CHRNB4: variants seen among roughly 807,000 people sequenced by gnomAD.
CHRNB4 encodes neuronal acetylcholine receptor subunit beta-4.
Under a neutral mutation model 40.4 loss-of-function variants are expected in CHRNB4, and 23 were observed. The observed-to-expected ratio is 0.57, with a 90% CI of 0.41 to 0.81. The LOEUF is 0.81. Among genes scored for constraint, CHRNB4 ranks in the 30% least tolerant of loss-of-function variants. The pLI, the probability that CHRNB4 is intolerant of heterozygous loss-of-function variation, is 0.00. For synonymous variants in CHRNB4, 285 were observed against 274.4 expected (o/e 1.04, Z -0.38); for missense variants, 568 against 670.6 (o/e 0.85, Z 1.69).
rs80249872 is a variant in CHRNB4 at position 78,629,819 on chromosome 15, G to A, written c.486C>T (p.Phe162=). The part of the protein sequence containing the change: ...ACKIEVKYFP[F]DQQNCTLKFR... ...ACTTGAGGGTGCAGTTCTGCTGGTC[G>A]AAGGGAAAGTACTTCACCTCAATCT... The change falls in exon 5 of 6, where the codon TTC becomes TTT. Residue 162 remains phenylalanine, a synonymous_variant. Coordinates refer to ENST00000261751, the MANE Select transcript of CHRNB4 (RefSeq NM_000750.5). The surrounding 1 kb of genome is among the most constrained non-coding windows in gnomAD (Gnocchi z 6.8). 7.4e-6 allele frequency: 12 copies of A among 1,614,000 alleles called. No individual in the cohort carries two copies. Among genetic ancestry groups the A allele is most frequent in the East Asian group, 6.7e-5 (3 of 44,874 alleles).
chr15:78,661,051 T>C (rs2054248530), upstream of CHRNB4: 2 of 585,834 alleles, frequency 3.4e-6, no homozygotes, highest in Non-Finnish European at 6.6e-6. Flanking sequence ...TTAGTTTTTG[T>C]AGTCTCGGCT....
intron 7 of CHRNB4, among the ~76,000 whole-genome samples, chr15:78,646,751 A>ATTGG (rs2054126266): frequency 6.6e-6 from 1 of 152,210 alleles, no homozygotes; most frequent in Non-Finnish European, 1.5e-5. Context: ...CCCATCTCTT[A>ATTGG]ACACCATTAT....
intron 5 of CHRNB4, chr15:78,627,749 TGTG>T (rs1361759058): frequency 6.6e-6 from 1 of 152,268 alleles, no homozygotes; most frequent in African/African-American, 2.4e-5. Flanking sequence ...CACCACATTC[TGTG>T]TTGTTACTAT....
chr15:78,638,959 C>T (rs1596115870), intron 1 of CHRNB4, among the ~76,000 whole-genome samples: 1 of 152,294 alleles, frequency 6.6e-6, no homozygotes, highest in East Asian at 1.9e-4. Flanking sequence ...GGAGTGGGCC[C>T]CACCAGCCTC....
intron 1 of CHRNB4, among the ~76,000 whole-genome samples, chr15:78,639,243 G>A (rs2054020716): frequency 6.6e-6 from 1 of 152,134 alleles, no homozygotes; most frequent in Non-Finnish European, 1.5e-5. Flanking sequence ...TTTCAACTGG[G>A]GTGTATGTCC....
intron 2 of CHRNB4, among the ~76,000 whole-genome samples, chr15:78,632,128 T>C (rs906792873): frequency 1.3e-5 from 2 of 148,930 alleles, no homozygotes; most frequent in Non-Finnish European, 3.0e-5. Context: ...TGCCCTGCCT[T>C]CTCTTTTTCT....
intron 1 of CHRNB4, among the ~76,000 whole-genome samples, chr15:78,636,842 C>G (rs1176565089): frequency 6.6e-6 from 1 of 152,202 alleles, no homozygotes; most frequent in African/African-American, 2.4e-5. Flanking sequence ...GTGCCAGGGA[C>G]TTTACTACAT....
At chr15:78,650,036 G>C (rs2054158718) in intron 6 of CHRNB4, among the ~76,000 whole-genome samples, 1 of 133,520 alleles carries the variant, frequency 7.5e-6, no homozygotes, top group Non-Finnish European at 1.7e-5. Flanking sequence ...CTTTTCATGA[G>C]TGTGCCCAGG....
At chr15:78,630,731 T>C (rs1391375124) in intron 4 of CHRNB4, among the ~76,000 whole-genome samples, 1 of 152,178 alleles carries the variant, frequency 6.6e-6, no homozygotes, top group Non-Finnish European at 1.5e-5. Flanking sequence ...TTACACACAG[T>C]AAGTCAGTGG....
At chr15:78,656,152 A>C (rs1028298255) in intron 4 of CHRNB4, 3 of 152,174 alleles carry the variant, frequency 2.0e-5, no homozygotes, top group African/African-American at 7.2e-5. Flanking sequence ...AGCCTGGCCA[A>C]CATGGTGAAA....
chr15:78,629,210 T>A lies in CHRNB4; in HGVS notation c.1095A>T (p.Ser365=). Residue 365 remains serine, a synonymous_variant, in exon 5 of 6, where the codon TCA becomes TCT. Coordinates refer to ENST00000261751, the MANE Select transcript of CHRNB4 (RefSeq NM_000750.5). This position sits in a 1 kb window ranked among gnomAD's most constrained non-coding sequence, Gnocchi z 6.8. ...SPARAFPPSK[S]CVTKPEATAT... ...CGGTGGCCTCGGGCTTGGTCACGCA[T>A]GACTTGCTGGGCGGGAAGGCTCTGG... 6.2e-7 allele frequency: 1 copy of A among 1,613,694 alleles called. No homozygotes were observed. Among genetic ancestry groups the A allele is most frequent in the Non-Finnish European group, 8.5e-7 (1 of 1,179,752 alleles).
At chr15:78,633,484 G>A (rs1206653146) in intron 2 of CHRNB4, among the ~76,000 whole-genome samples, 3 of 152,182 alleles carry the variant, frequency 2.0e-5, no homozygotes, top group Non-Finnish European at 4.4e-5. Flanking sequence ...CACATTCCAG[G>A]CTGTTGGTGG....
rs1272153882 is a variant in CHRNB4 at position 78,640,585 on chromosome 15, G to T, written c.55+494C>A. 2.0e-5 allele frequency among the ~76,000 whole-genome samples: 3 copies of T among 152,242 alleles called. No homozygotes were observed. In the East Asian group the frequency reaches 5.8e-4, roughly 29 times the overall value. On this transcript the variant is annotated intron_variant, in intron 1 of 5. Transcript: ENST00000261751. ...ATCTCTACCACCGCTGTGTGGGAGG[G>T]GACTTCTCTCTAAGGCTGAGCAGCA...
intron 2 of CHRNB4, among the ~76,000 whole-genome samples, chr15:78,632,217 T>TTCTCTTTCTC (rs2053840477): frequency 2.3e-5 from 2 of 86,038 alleles, no homozygotes; most frequent in African/African-American, 1.6e-4. Context: ...TTCTTTCTCT[T>TTCTCTTTCTC]TCTCTCTCTC....
intron 5 of CHRNB4, among the ~76,000 whole-genome samples, chr15:78,653,904 C>T (rs1481810694): frequency 6.6e-6 from 1 of 152,186 alleles, no homozygotes; most frequent in Admixed American, 6.5e-5. Context: ...TACATCTCAG[C>T]ATCTGCTGTC....
At chr15:78,641,924 G>C (rs1239199494), upstream of CHRNB4, among the ~76,000 whole-genome samples, 4 of 152,172 alleles carry the variant, frequency 2.6e-5, no homozygotes, top group Non-Finnish European at 2.9e-5. Flanking sequence ...CGGGTGGGGG[G>C]ACAGCCCCCA....
intron 2 of CHRNB4, among the ~76,000 whole-genome samples, chr15:78,658,107 T>A (rs1175798292): frequency 1.4e-5 from 2 of 140,174 alleles, no homozygotes; most frequent in African/African-American, 2.6e-5. Flanking sequence ...CTCAGCTCAC[T>A]GCAATCTCTG....
chr15:78,634,156 G>A (rs774061857), intron 2 of CHRNB4, among the ~76,000 whole-genome samples: 22 of 152,122 alleles, frequency 1.4e-4, no homozygotes, highest in Non-Finnish European at 2.9e-4. Flanking sequence ...ACAAGCTTTC[G>A]GAAATATAAC....
intron 1 of CHRNB4, among the ~76,000 whole-genome samples, chr15:78,659,974 A>G (rs2054239272): frequency 6.6e-6 from 1 of 152,138 alleles, no homozygotes; most frequent in Non-Finnish European, 1.5e-5. Flanking sequence ...TGGGAGGGTG[A>G]GGCAGGTGGA....
Sources: allele counts gnomAD v4.1 joint callset (sites outside exome capture counted in the v4.1 genomes callset), GRCh38; gene constraint gnomAD v4.1.1; non-coding constraint Gnocchi (gnomAD v3.1); transcripts MANE v1.5; gene names NCBI Gene and HGNC (gene_info 2026-07-23, HGNC 2026-07-21).